The following CRB1 variants were observed in gnomAD, a reference collection of about 807,000 sequenced individuals.
CRB1 encodes the protein protein crumbs homolog 1.
CRB1 carries 83 observed loss-of-function variants against 120.0 expected under a neutral mutation model. The observed-to-expected ratio is 0.69, with a 90% CI of 0.58 to 0.83. The LOEUF (loss-of-function observed/expected upper bound fraction) is 0.83, where lower values mean the gene tolerates loss of function less well. Among genes scored for constraint, CRB1 ranks in the 40% least tolerant of loss-of-function variants. The pLI, the probability that CRB1 is intolerant of heterozygous loss-of-function variation, is 0.00. For synonymous variants in CRB1, 625 were observed against 612.5 expected, an observed-to-expected ratio of 1.02 and a Z score of -0.30; for missense variants, 1,699 against 1,687.6, an observed-to-expected ratio of 1.01 and a Z score of -0.12.
intron 5 of CRB1, among the ~76,000 whole-genome samples, chr1:197,411,408 T>C (rs893859917): frequency 1.5e-4 from 23 of 152,218 alleles, no homozygotes; most frequent in African/African-American, 5.5e-4. Flanking sequence ...TAATAATAAT[T>C]ATTAGTAAAT....
the CRB1 span, among the ~76,000 whole-genome samples, chr1:197,210,462 T>C: frequency 7.9e-5 from 12 of 152,258 alleles, no homozygotes; most frequent in Admixed American, 2.0e-4. Context: ...CAGCTTGCTG[T>C]CCTGCGGAAT....
At chr1:197,354,769 G>A (rs900737047) in intron 4 of CRB1, among the ~76,000 whole-genome samples, 1 of 115,146 alleles carries the variant, frequency 8.7e-6, no homozygotes, top group Non-Finnish European at 1.7e-5. Flanking sequence ...TCAGCACGTT[G>A]CCACTGCTGG....
At chr1:197,320,481 G>A (rs1414022280) in intron 1 of CRB1, among the ~76,000 whole-genome samples, 3 of 152,090 alleles carry the variant, frequency 2.0e-5, no homozygotes, top group Non-Finnish European at 4.4e-5. Flanking sequence ...ATAGAAAAAA[G>A]CAAAGGCCTC....
chr1:197,341,643 C>G lies in CRB1; in HGVS notation c.653-2638C>G, dbSNP rs74605384. 1.3e-4 allele frequency among the ~76,000 whole-genome samples: 20 copies of G among 152,292 alleles called. 1 individual carries two copies. The East Asian group carries it at 3.9e-3, about 29-fold the overall frequency. ...TCACAGGGAAAAATCTTTCTGACTT[C>G]TGTGAGAATGATCACCTGTTTCTCT... On this transcript the variant is annotated intron_variant, in intron 2 of 11. Coordinates refer to ENST00000367400, the MANE Select transcript of CRB1 (RefSeq NM_201253.3).
chr1:197,222,632 C>T, the CRB1 span: 1 of 775,154 alleles, frequency 1.3e-6, no homozygotes, highest in Non-Finnish European at 2.4e-6. Flanking sequence ...GGAAGGCAAA[C>T]TCAGTGTTTG....
intron 11 of CRB1, among the ~76,000 whole-genome samples, chr1:197,458,905 G>T (rs1383489793): frequency 1.3e-5 from 2 of 152,116 alleles, no homozygotes; most frequent in Non-Finnish European, 2.9e-5. Context: ...ATTCACAGAA[G>T]TCTGATCGCT....
the CRB1 span, among the ~76,000 whole-genome samples, chr1:197,212,520 CTA>C: frequency 1.3e-5 from 2 of 152,208 alleles, no homozygotes. Context: ...CAAAAGGACT[CTA>C]TTCTATCTGA....
At chr1:197,233,591 C>T in the CRB1 span, among the ~76,000 whole-genome samples, 2 of 152,190 alleles carry the variant, frequency 1.3e-5, no homozygotes, top group African/African-American at 4.8e-5. Flanking sequence ...TCACAAAGCC[C>T]TTCTTAGGGC....
chr1:197,374,507 C>T (rs763616668), intron 5 of CRB1, among the ~76,000 whole-genome samples: 3 of 152,088 alleles, frequency 2.0e-5, no homozygotes, highest in Admixed American at 2.0e-4. Context: ...AGAACAGTGC[C>T]ACACCTGAGT....
chr1:197,380,952 G>A (rs1032389535), intron 5 of CRB1, among the ~76,000 whole-genome samples: 2 of 152,220 alleles, frequency 1.3e-5, no homozygotes, highest in African/African-American at 2.4e-5. Flanking sequence ...AGCATGCAAA[G>A]TGTGTCCTTA....
chr1:197,417,330 G>A (rs989912667), intron 5 of CRB1, among the ~76,000 whole-genome samples: 1 of 152,212 alleles, frequency 6.6e-6, no homozygotes, highest in Non-Finnish European at 1.5e-5. Context: ...AATTGCTGCT[G>A]TGCTGTGTTG....
the CRB1 span, among the ~76,000 whole-genome samples, chr1:197,254,039 C>A: frequency 6.6e-6 from 1 of 152,194 alleles, no homozygotes; most frequent in South Asian, 2.1e-4. Context: ...AAACTCTGGG[C>A]CTTCATTCTC....
chr1:197,393,979 G>A (rs929993146), intron 5 of CRB1, among the ~76,000 whole-genome samples: 4 of 152,008 alleles, frequency 2.6e-5, no homozygotes, highest in Non-Finnish European at 4.4e-5. Context: ...TTTAGTCATC[G>A]TTTCTTAAAC....
intron 1 of CRB1, among the ~76,000 whole-genome samples, chr1:197,309,716 T>C (rs998459399): frequency 3.3e-5 from 5 of 151,526 alleles, no homozygotes; most frequent in Admixed American, 1.3e-4. Context: ...ATCGTGTCAC[T>C]GCACTCCAGC....
At chr1:197,352,686 CTT>C (rs5779865) in intron 4 of CRB1, among the ~76,000 whole-genome samples, 305 of 137,100 alleles carry the variant, frequency 2.2e-3, no homozygotes, top group Middle Eastern at 0.011. Flanking sequence ...TTTTACTTTC[CTT>C]TTTTTTTTTT....
At chr1:197,287,579 G>T (rs1558030718) in intron 1 of CRB1, among the ~76,000 whole-genome samples, 1 of 151,750 alleles carries the variant, frequency 6.6e-6, no homozygotes, top group Non-Finnish European at 1.5e-5. Context: ...CAGCATGGAG[G>T]CTCTGACTTC....
intron 1 of CRB1, among the ~76,000 whole-genome samples, chr1:197,315,579 ACT>A (rs1436271108): frequency 6.6e-6 from 1 of 152,188 alleles, no homozygotes; most frequent in Admixed American, 6.5e-5. Flanking sequence ...ATTCATATAG[ACT>A]CTCTAAGAGT....
At chr1:197,390,674 C>T (rs1282065358) in intron 5 of CRB1, among the ~76,000 whole-genome samples, 2 of 152,052 alleles carry the variant, frequency 1.3e-5, no homozygotes, top group African/African-American at 4.8e-5. Flanking sequence ...CATTTTAAAC[C>T]AGAGTAAATA....
intron 5 of CRB1, among the ~76,000 whole-genome samples, chr1:197,381,469 T>C (rs980421470): frequency 9.9e-5 from 15 of 152,210 alleles, no homozygotes; most frequent in African/African-American, 4.8e-5. Flanking sequence ...CTTTAAGTCC[T>C]TACAGTGATA....
Sources: gnomAD v4.1 joint callset for allele counts (sites outside exome capture counted in the v4.1 genomes callset) on GRCh38, gnomAD v4.1.1 for gene constraint, MANE v1.5 for transcripts, NCBI Gene and HGNC (gene_info 2026-07-23, HGNC 2026-07-21) for gene names.